SP6: variants seen among roughly 807,000 people sequenced by gnomAD.
The protein encoded by SP6 is Sp6 transcription factor, also known as transcription factor Sp6.
A neutral mutation model predicts 23.4 loss-of-function variants in SP6; 10 were observed. That is an observed-to-expected ratio of 0.43 (90% CI 0.26 to 0.72). SP6 has a LOEUF of 0.72. Among genes scored for constraint, SP6 ranks in the 30% least tolerant of loss-of-function variants. The probability of loss-of-function intolerance (pLI) is 0.23; values close to 1 mark genes in which losing one functional copy is unlikely to be tolerated. For missense variants in SP6, 482 were observed against 523.8 expected (o/e 0.92, Z 0.78); for synonymous variants, 238 against 238.7 (o/e 1.00, Z 0.03).
upstream of SP6, among the ~76,000 whole-genome samples, chr17:47,856,194 G>C (rs1273653213): frequency 6.6e-6 from 1 of 152,198 alleles, no homozygotes; most frequent in Non-Finnish European, 1.5e-5. Context: ...CTTCATGTCA[G>C]TGTTGTTGGC....
chr17:47,861,660 G>T, the SP6 span, among the ~76,000 whole-genome samples: 1 of 152,128 alleles, frequency 6.6e-6, no homozygotes, highest in East Asian at 1.9e-4. Flanking sequence ...TTGAACCCAG[G>T]AGGCAGAGGT....
Position 47,847,760 on chromosome 17 carries a change from C to A in SP6, c.670G>T (p.Gly224Cys). ...GSRRSVPRSSGQTVCRCPNCL... is the reference protein window; with the variant it reads ...GSRRSVPRSSCQTVCRCPNCL... Reference sequence around the variant, plus strand: ...TTGGGGCAGCGACAGACGGTCTGGCCTGAGCTGCGGGGCACCGACCGCCGG... The same window carrying A: ...TTGGGGCAGCGACAGACGGTCTGGCATGAGCTGCGGGGCACCGACCGCCGG... Residue 224 changes from glycine to cysteine, a missense_variant, in exon 2 of 2, where the codon GGC (glycine) becomes TGC (cysteine). Physicochemically the swap from Gly to Cys is radical, Grantham distance 159. Coordinates refer to ENST00000536300, the MANE Select transcript of SP6 (RefSeq NM_001258248.2). The A allele has an allele frequency of 6.4e-7, 1 of 1,570,506 alleles. No individual in the cohort carries two copies. Among genetic ancestry groups the A allele is most frequent in the Non-Finnish European group, 8.6e-7 (1 of 1,158,348 alleles).
At chr17:47,863,384 T>C in the SP6 span, 1 of 152,098 alleles carries the variant, frequency 6.6e-6, no homozygotes. Context: ...CTACTCCCAG[T>C]GCTTGGAATG....
chr17:47,872,445 G>A, the SP6 span, among the ~76,000 whole-genome samples: 4 of 152,222 alleles, frequency 2.6e-5, no homozygotes, highest in Non-Finnish European at 5.9e-5. Context: ...GGGCCGTGGG[G>A]GGAGCTACAG....
At chr17:47,852,599 C>G (rs1018000515), upstream of SP6, among the ~76,000 whole-genome samples, 3 of 152,168 alleles carry the variant, frequency 2.0e-5, no homozygotes, top group African/African-American at 7.2e-5. Flanking sequence ...CTCCCCCCCG[C>G]CATTGGTTTA....
rs2033878139 is a variant in SP6 at position 47,845,743 on chromosome 17, AC to A, written c.*1555del. ...CACATAACCTAATATTAAATAAAAT[AC>A]CCTTTGCTTATAACTTAAAAATCAA... On this transcript the variant is annotated 3_prime_UTR_variant, in exon 2 of 2. Coordinates refer to ENST00000536300, the MANE Select transcript of SP6 (RefSeq NM_001258248.2). 6.6e-6 allele frequency: 1 copy of A among 152,438 alleles called. No homozygotes were observed. Among genetic ancestry groups the A allele is most frequent in the Non-Finnish European group, 1.5e-5 (1 of 68,006 alleles). The allele number at this position is 152,438 out of a possible 1,614,324, so 9.4% of individuals were successfully genotyped here.
upstream of SP6, among the ~76,000 whole-genome samples, chr17:47,856,648 G>T (rs918987680): frequency 4.6e-5 from 7 of 152,202 alleles, no homozygotes; most frequent in Middle Eastern, 3.2e-3. Flanking sequence ...GACCAGGAAG[G>T]AGAACGGAGA....
Position 47,850,901 on chromosome 17 carries a change from C to A in SP6, c.-58+18G>T, listed in dbSNP as rs2033947418. 1 of 152,358 alleles carries A rather than the reference C, an allele frequency of 6.6e-6. No homozygotes were observed. The highest frequency in any genetic ancestry group is 1.5e-5 in the Non-Finnish European group (1 of 68,142). The allele number at this position is 152,358 out of a possible 1,614,324, so 9.4% of individuals were successfully genotyped here. On this transcript the variant is annotated intron_variant, in intron 1 of 1. Coordinates refer to ENST00000536300, the MANE Select transcript of SP6 (RefSeq NM_001258248.2). ...CTCCGTAGCGCTCACCCCTGGCCAC[C>A]CCGACCCGCGCTCCTACCTCGAGGC...
At chr17:47,864,238 T>C in the SP6 span, among the ~76,000 whole-genome samples, 1 of 151,460 alleles carries the variant, frequency 6.6e-6, no homozygotes, top group Non-Finnish European at 1.5e-5. Context: ...TGAGTCTTTT[T>C]TCCTTTTTTT....
intron 1 of SP6, among the ~76,000 whole-genome samples, chr17:47,849,500 G>C (rs1018722002): frequency 2.4e-4 from 36 of 152,278 alleles, no homozygotes; most frequent in Admixed American, 9.8e-4. Flanking sequence ...CCTAGGCATG[G>C]ATCATTTTTC....
chr17:47,872,895 A>G, the SP6 span, among the ~76,000 whole-genome samples: 1 of 152,188 alleles, frequency 6.6e-6, no homozygotes, highest in South Asian at 2.1e-4. Context: ...TGGGGACCCC[A>G]CAGGGAAGCG....
At chr17:47,873,985 CCT>C in the SP6 span, among the ~76,000 whole-genome samples, 1 of 150,670 alleles carries the variant, frequency 6.6e-6, no homozygotes, top group Non-Finnish European at 1.5e-5. Flanking sequence ...TCTTCTTCTT[CCT>C]CTTCCTCTTT....
chr17:47,875,679 T>C, the SP6 span, among the ~76,000 whole-genome samples: 8 of 152,226 alleles, frequency 5.3e-5, no homozygotes, highest in Admixed American at 2.0e-4. Context: ...AGATGGACAT[T>C]CAGGGAAACC....
At chr17:47,849,547 C>A (rs2033934203) in intron 1 of SP6, among the ~76,000 whole-genome samples, 1 of 152,186 alleles carries the variant, frequency 6.6e-6, no homozygotes, top group Admixed American at 6.5e-5. Flanking sequence ...TTCTTATATG[C>A]AGCAAATGTT....
upstream of SP6, among the ~76,000 whole-genome samples, chr17:47,853,951 A>G (rs575708972): frequency 6.1e-4 from 93 of 152,132 alleles, no homozygotes; most frequent in African/African-American, 2.1e-3. Context: ...TTCCCACCGA[A>G]TGACGGCGCA....
rs2033922477 is a variant in SP6, at chr17:47,848,510, A to G, written c.-57-24T>C. On this transcript the variant is annotated intron_variant, in intron 1 of 1. Transcript: ENST00000536300. This position sits in a 1 kb window ranked among gnomAD's most constrained non-coding sequence, Gnocchi z 5.3. Reference sequence around the variant, plus strand: ...ACCTAAAGGAGGCGAAGAAGCAGAAAAGTAAGGGAAATAACCAGCTCACTT... The same window carrying G: ...ACCTAAAGGAGGCGAAGAAGCAGAAGAGTAAGGGAAATAACCAGCTCACTT... 2 of 1,324,884 alleles carry G rather than the reference A, an allele frequency of 1.5e-6. No individual in the cohort carries two copies. Among genetic ancestry groups the G allele is most frequent in the Non-Finnish European group, 1.0e-6 (1 of 988,216 alleles). The allele number at this position is 1,324,884 out of a possible 1,614,324, so 82.1% of individuals were successfully genotyped here. A position where few individuals can be genotyped will look rare whatever the true frequency, so the allele number is the denominator to read the frequency against.
chr17:47,856,154 A>C (rs2033997358), upstream of SP6, among the ~76,000 whole-genome samples: 1 of 152,134 alleles, frequency 6.6e-6, no homozygotes, highest in Non-Finnish European at 1.5e-5. Flanking sequence ...CACACACCAC[A>C]CGTCTTCAAG....
chr17:47,861,360 G>C, the SP6 span, among the ~76,000 whole-genome samples: 1 of 152,206 alleles, frequency 6.6e-6, no homozygotes, highest in Non-Finnish European at 1.5e-5. Flanking sequence ...CATTCACTTG[G>C]TTCCAAGAGT....
chr17:47,868,997 G>T, the SP6 span, among the ~76,000 whole-genome samples: 1 of 152,258 alleles, frequency 6.6e-6, no homozygotes, highest in Non-Finnish European at 1.5e-5. Context: ...GAGCCGGGCT[G>T]TCTGAGTGCT....
Sources: gnomAD v4.1 joint callset for allele counts (sites outside exome capture counted in the v4.1 genomes callset) on GRCh38, gnomAD v4.1.1 for gene constraint, Gnocchi (gnomAD v3.1) non-coding constraint, MANE v1.5 for transcripts, NCBI Gene and HGNC (gene_info 2026-07-23, HGNC 2026-07-21) for gene names.